PIK3C3: variants seen among roughly 807,000 people sequenced by gnomAD.
PIK3C3 encodes the protein PI3-kinase type 3.
In PIK3C3, 95 loss-of-function variants were observed where a neutral mutation model predicts 126.1. The observed-to-expected ratio is 0.75, with a 90% CI of 0.64 to 0.89. The LOEUF (loss-of-function observed/expected upper bound fraction) is 0.89, where lower values mean the gene tolerates loss of function less well. PIK3C3 is among the 40% of genes least tolerant of loss of function. The pLI is 0.00. For missense variants in PIK3C3, 829 were observed against 1,063.2 expected (o/e 0.78, Z 3.06); for synonymous variants, 374 against 360.0 (o/e 1.04, Z -0.44).
chr18:42,068,914 T>C (rs570707549), intron 24 of PIK3C3, among the ~76,000 whole-genome samples: 255 of 140,306 alleles, frequency 1.8e-3, no homozygotes, highest in Admixed American at 4.0e-3. Flanking sequence ...TGTGCCACTG[T>C]ACTCCAGCCT....
At chr18:42,048,663 T>C (rs1984661459) in intron 20 of PIK3C3, among the ~76,000 whole-genome samples, 1 of 152,224 alleles carries the variant, frequency 6.6e-6, no homozygotes, top group South Asian at 2.1e-4. Flanking sequence ...TAAGTTGCTT[T>C]TGGACTTCTG....
chr18:42,059,450 C>G (rs1042972016), intron 22 of PIK3C3, among the ~76,000 whole-genome samples: 2 of 152,094 alleles, frequency 1.3e-5, no homozygotes, highest in African/African-American at 4.8e-5. Context: ...CTAGGTCGAA[C>G]CATGGATATC....
At chr18:42,068,751 C>A (rs372191124) in intron 24 of PIK3C3, among the ~76,000 whole-genome samples, 1 of 152,002 alleles carries the variant, frequency 6.6e-6, no homozygotes, top group East Asian at 1.9e-4. Flanking sequence ...GAGATCGAGA[C>A]CATCCTGACT....
At chr18:41,963,317 A>C (rs1259730429) in intron 3 of PIK3C3, among the ~76,000 whole-genome samples, 1 of 152,230 alleles carries the variant, frequency 6.6e-6, no homozygotes, top group Non-Finnish European at 1.5e-5. Flanking sequence ...CGATTTTAAG[A>C]CTAATGAGTT....
intron 12 of PIK3C3, among the ~76,000 whole-genome samples, chr18:42,016,831 G>C (rs1342855321): frequency 6.6e-6 from 1 of 151,954 alleles, no homozygotes. Context: ...CCATTAGTCC[G>C]AATGAGTTTT....
chr18:42,048,940 A>C (rs73950845), intron 20 of PIK3C3, among the ~76,000 whole-genome samples: 3,776 of 152,308 alleles, frequency 0.025, 147 homozygotes, highest in African/African-American at 0.086. Flanking sequence ...TAAATGCTAA[A>C]TTTCCAGACT....
intron 12 of PIK3C3, 90 bp downstream of exon 12, chr18:42,015,656 A>G (rs1983041439): frequency 1.2e-6 from 1 of 831,280 alleles, no homozygotes; most frequent in Middle Eastern, 2.3e-4. Flanking sequence ...TTTTGATTAA[A>G]TAACTAAATA....
chr18:42,011,028 C>T (rs1982798176), intron 10 of PIK3C3, among the ~76,000 whole-genome samples: 1 of 152,148 alleles, frequency 6.6e-6, no homozygotes, highest in African/African-American at 2.4e-5. Flanking sequence ...TTGAAATCTT[C>T]TTTTCTGAAC....
chr18:41,977,649 G>T (rs574630577), intron 4 of PIK3C3, among the ~76,000 whole-genome samples: 1 of 152,074 alleles, frequency 6.6e-6, no homozygotes, highest in East Asian at 1.9e-4. Context: ...CGCCATGCCC[G>T]GCTAATTTTT....
chr18:42,036,965 A>G (rs1385712366), intron 16 of PIK3C3, among the ~76,000 whole-genome samples: 1 of 152,248 alleles, frequency 6.6e-6, no homozygotes, highest in East Asian at 1.9e-4. Flanking sequence ...TTTCATGCAC[A>G]AAATTACTAA....
At chr18:42,023,423 C>G (rs1007837752) in intron 13 of PIK3C3, among the ~76,000 whole-genome samples, 3 of 152,056 alleles carry the variant, frequency 2.0e-5, no homozygotes, top group African/African-American at 7.2e-5. Flanking sequence ...CTTTTTTTTC[C>G]TATAAGCAAA....
At chr18:42,006,721 T>G (rs1039686468) in intron 10 of PIK3C3, among the ~76,000 whole-genome samples, 2 of 152,192 alleles carry the variant, frequency 1.3e-5, no homozygotes, top group South Asian at 4.1e-4. Context: ...GCATGATATT[T>G]TACTGTGAAT....
At chr18:42,080,407 C>T (rs1986206753) in intron 24 of PIK3C3, among the ~76,000 whole-genome samples, 1 of 151,954 alleles carries the variant, frequency 6.6e-6, no homozygotes, top group Non-Finnish European at 1.5e-5. Flanking sequence ...AGGTGTTTTG[C>T]CTTCACTTTT....
At chr18:42,049,484 C>T (rs750446455) in intron 20 of PIK3C3, 47 bp from the exon 21 acceptor site, 2 of 1,402,924 alleles carry the variant, frequency 1.4e-6, no homozygotes, top group Non-Finnish European at 1.0e-6. Flanking sequence ...GAATGTATAA[C>T]CTGGTTTGCA....
Position 42,037,817 on chromosome 18 carries a change from C to T in PIK3C3, c.1965C>T (p.Asp655=). The T allele has an allele frequency of 1.9e-6, 3 of 1,608,400 alleles. No homozygotes were observed. Reference sequence around the variant, plus strand: ...TTCTTCAAATCATTTCACTCATGGACAAGGTGAACATGACCTTATGTTGGT... The same window carrying T: ...TTCTTCAAATCATTTCACTCATGGATAAGGTGAACATGACCTTATGTTGGT... The part of the protein sequence containing the change: ...QLILQIISLM[D]KLLRKENLDL... The change falls in exon 17 of 25, where the codon GAC becomes GAT. Residue 655 remains aspartate, a synonymous_variant. Transcript: ENST00000262039.
At chr18:42,064,478 T>C (rs1322280773) in intron 22 of PIK3C3, among the ~76,000 whole-genome samples, 7 of 152,138 alleles carry the variant, frequency 4.6e-5, no homozygotes, top group Admixed American at 4.6e-4. Flanking sequence ...TACTAAAAAA[T>C]GAAAAGAATG....
chr18:42,042,627 G>C (rs140497476), intron 19 of PIK3C3, among the ~76,000 whole-genome samples: 43 of 152,204 alleles, frequency 2.8e-4, no homozygotes, highest in African/African-American at 1.0e-3. Context: ...ACATTGTTTT[G>C]TGTAATTACG....
chr18:41,955,387 G>T (rs747254432), intron 1 of PIK3C3, 28 bp downstream of exon 1: 9 of 1,588,852 alleles, frequency 5.7e-6, no homozygotes, highest in Non-Finnish European at 6.9e-6. Context: ...ACAGGGAGTG[G>T]GATTGCTGGG....
At chr18:42,040,829 G>C (rs1262585920) in intron 19 of PIK3C3, 88 bp downstream of exon 19, 2 of 843,316 alleles carry the variant, frequency 2.4e-6, no homozygotes, top group Non-Finnish European at 3.8e-6. Flanking sequence ...AAAAATGAAA[G>C]TCTCCTTTTA....
Sources: gnomAD v4.1 joint callset for allele counts (sites outside exome capture counted in the v4.1 genomes callset) on GRCh38, gnomAD v4.1.1 for gene constraint, MANE v1.5 for transcripts, NCBI Gene and HGNC (gene_info 2026-07-23, HGNC 2026-07-21) for gene names.